Variants in CEP41 observed in about 807,000 individuals in gnomAD.
The protein encoded by CEP41 is centrosomal protein 41.
CEP41 carries 32 observed loss-of-function variants against 44.3 expected under a neutral mutation model. That is an observed-to-expected ratio of 0.72 (90% CI 0.54 to 0.97). The LOEUF is 0.97. Ranked by LOEUF, CEP41 falls within the 50% of genes least tolerant of loss-of-function variation. The pLI is 0.00. For missense variants in CEP41, 432 were observed against 455.2 expected (o/e 0.95, Z 0.46); for synonymous variants, 151 against 168.5 (o/e 0.90, Z 0.80).
intron 3 of CEP41, among the ~76,000 whole-genome samples, chr7:130,416,291 T>C (rs1352890014): frequency 1.3e-5 from 2 of 152,248 alleles, no homozygotes; most frequent in African/African-American, 2.4e-5. Flanking sequence ...ATTCTGGCCT[T>C]GAAGTATACA....
chr7:130,436,852 C>A (rs2117714729), intron 1 of CEP41, among the ~76,000 whole-genome samples: 1 of 152,192 alleles, frequency 6.6e-6, no homozygotes, highest in Non-Finnish European at 1.5e-5. Flanking sequence ...GCCTGACCAA[C>A]ATGGTAAAAC....
chr7:130,440,786 G>GC, intron 1 of CEP41, 148 bp downstream of exon 1: 12 of 224,406 alleles, frequency 5.3e-5, no homozygotes, highest in Non-Finnish European at 8.3e-5. Context: ...AGCCCGGCCC[G>GC]CCCCGCCCCT....
In CEP41 at chr7:130,440,989, C is replaced by T; in HGVS notation, c.-23G>A. 2 of 1,612,394 alleles carry T rather than the reference C, an allele frequency of 1.2e-6. No individual in the cohort carries two copies. Among genetic ancestry groups the T allele is most frequent in the Non-Finnish European group, 1.7e-6 (2 of 1,179,950 alleles). ...CATATTTTCTCCAACCGACCACGTTCGGGGTTCTAGCCTCACGGGTTGCCT... is the reference window on the plus strand; with the variant it reads ...CATATTTTCTCCAACCGACCACGTTTGGGGTTCTAGCCTCACGGGTTGCCT... On this transcript the variant is annotated 5_prime_UTR_variant, in exon 1 of 11. Transcript: ENST00000223208.
intron 2 of CEP41, among the ~76,000 whole-genome samples, chr7:130,424,783 G>A (rs1350110225): frequency 2.6e-5 from 4 of 151,934 alleles, no homozygotes; most frequent in Admixed American, 6.5e-5. Flanking sequence ...CATTGGGATC[G>A]AGGCCAGGCA....
At chr7:130,440,882 T>C (rs1469538767) in intron 1 of CEP41, 52 bp downstream of exon 1, 17 of 1,571,276 alleles carry the variant, frequency 1.1e-5, no homozygotes, top group Non-Finnish European at 1.4e-5. Context: ...CACATGAGCC[T>C]TTTCCGGTGC....
At chr7:130,400,559 T>G in intron 9 of CEP41, 148 bp downstream of exon 9, 1 of 694,862 alleles carries the variant, frequency 1.4e-6, no homozygotes, top group South Asian at 1.6e-5. Context: ...AAGGGAAGTT[T>G]CACATAACTC....
chr7:130,435,107 T>C (rs1554425895), intron 1 of CEP41, among the ~76,000 whole-genome samples: 1 of 152,154 alleles, frequency 6.6e-6, no homozygotes. Flanking sequence ...TGTTGTAACA[T>C]TTATGTAAAA....
At chr7:130,428,283 G>A (rs1448655714) in intron 1 of CEP41, among the ~76,000 whole-genome samples, 1 of 151,780 alleles carries the variant, frequency 6.6e-6, no homozygotes, top group African/African-American at 2.4e-5. Context: ...AATTAGCCAG[G>A]CATGGTGATG....
chr7:130,416,350 G>C (rs1201817148), intron 3 of CEP41, among the ~76,000 whole-genome samples: 1 of 152,220 alleles, frequency 6.6e-6, no homozygotes, highest in African/African-American at 2.4e-5. Flanking sequence ...TTTTGTGCAA[G>C]GGCAATGCAC....
chr7:130,399,190 C>T (rs1260304284), intron 10 of CEP41, 151 bp from the exon 11 acceptor site: 1 of 874,742 alleles, frequency 1.1e-6, no homozygotes, highest in Non-Finnish European at 1.8e-6. Context: ...CAACGATGGC[C>T]TACTCCTCAT....
At position 130,395,504 on chromosome 7, in the gene CEP41, C is replaced by G. The variant is rs1796632246; in HGVS notation, c.*3387G>C. On this transcript the variant is annotated 3_prime_UTR_variant, in exon 11 of 11. Transcript: ENST00000223208. ...CTTCAGAGTAGAGCAAGAAGGTGGT[C>G]ATGGATTTAAATCCAGGTGGACAGA... 2.2e-6 allele frequency: 1 copy of G among 453,928 alleles called. No homozygotes were observed. The highest frequency in any genetic ancestry group is 2.0e-5 in the African/African-American group (1 of 49,982). The allele number at this position is 453,928 out of a possible 1,614,324, so 28.1% of individuals were successfully genotyped here.
rs118066338 is a variant in CEP41, at chr7:130,401,656, T to C, written c.642+225A>G. Among the ~76,000 whole-genome samples the C allele has an allele frequency of 7.2e-4, 109 of 152,282 alleles. 1 individual carries two copies. The East Asian group carries it at 0.02, about 29-fold the overall frequency. The stretch of plus-strand genomic sequence containing the variant: ...CTTAGGACTAACTCTCAATGGATCC[T>C]AACTCTTAACCTAGTGTTTTTTGGC... On this transcript the variant is annotated intron_variant, in intron 8 of 10. Transcript: ENST00000223208.
intron 6 of CEP41, among the ~76,000 whole-genome samples, chr7:130,403,070 G>T (rs1796903012): frequency 1.3e-5 from 2 of 152,142 alleles, no homozygotes; most frequent in African/African-American, 4.8e-5. Context: ...TGGCTGAGGG[G>T]GTAGGGACTG....
At position 130,393,889 on chromosome 7, in the gene CEP41, A is replaced by G; in HGVS notation, c.*5002T>C. 2.2e-6 allele frequency: 1 copy of G among 454,120 alleles called. No homozygotes were observed. The highest frequency in any genetic ancestry group is 4.4e-6 in the Non-Finnish European group (1 of 226,796). 28.1% of individuals were successfully genotyped at this position (454,120 alleles called of 1,614,324 possible). On this transcript the variant is annotated 3_prime_UTR_variant, in exon 11 of 11. Transcript: ENST00000223208. Reference sequence around the variant, plus strand: ...CTCATTCCTTAAGTGGTACTTTGCAAGGTGTCCATTAACAGACAAAATAAC... The same window carrying G: ...CTCATTCCTTAAGTGGTACTTTGCAGGGTGTCCATTAACAGACAAAATAAC...
At chr7:130,408,376 G>C (rs1332788917) in intron 5 of CEP41, among the ~76,000 whole-genome samples, 2 of 151,920 alleles carry the variant, frequency 1.3e-5, no homozygotes, top group Admixed American at 6.6e-5. Flanking sequence ...TAATTATTCA[G>C]AACTCTCACA....
In CEP41 at chr7:130,397,821, C is replaced by G; in HGVS notation, c.*1070G>C. 2.2e-6 allele frequency: 1 copy of G among 445,426 alleles called. No individual in the cohort carries two copies. Among genetic ancestry groups the G allele is most frequent in the South Asian group, 1.6e-5 (1 of 63,848 alleles). 27.6% of individuals were successfully genotyped at this position (445,426 alleles called of 1,614,324 possible). On this transcript the variant is annotated 3_prime_UTR_variant, in exon 11 of 11. Coordinates refer to ENST00000223208, the MANE Select transcript of CEP41 (RefSeq NM_018718.3). Reference sequence around the variant, plus strand: ...AATTAATGCTGATTCAAAATTCCGGCCAAAACCAGAATCTATAATCACAAC... The same window carrying G: ...AATTAATGCTGATTCAAAATTCCGGGCAAAACCAGAATCTATAATCACAAC...
At position 130,400,285 on chromosome 7, in the gene CEP41, C is replaced by T. The variant is rs1413140382; in HGVS notation, c.758-31G>A. Reference sequence around the variant, plus strand: ...TTTGGAAAATCATCAGAAAAAGCTGCATTAATATGGCAAGGCCAGGCCAAA... The same window carrying T: ...TTTGGAAAATCATCAGAAAAAGCTGTATTAATATGGCAAGGCCAGGCCAAA... On this transcript the variant is annotated intron_variant, in intron 9 of 10. Transcript: ENST00000223208. The T allele has an allele frequency of 3.2e-6, 5 of 1,540,506 alleles. No homozygotes were observed. The Admixed American group carries it at 6.7e-5, about 21-fold the overall frequency.
intron 8 of CEP41, chr7:130,401,102 G>A: frequency 5.0e-6 from 2 of 399,260 alleles, no homozygotes; most frequent in South Asian, 4.8e-5. Context: ...TATGACCCTG[G>A]AAAGTAAATA....
intron 2 of CEP41, chr7:130,421,044 T>C: frequency 4.1e-6 from 4 of 982,432 alleles, no homozygotes; most frequent in Non-Finnish European, 4.8e-6. Flanking sequence ...TTCTACTTTG[T>C]TTACTTACAA....
Sources: gnomAD v4.1 joint callset for allele counts (sites outside exome capture counted in the v4.1 genomes callset) on GRCh38, gnomAD v4.1.1 for gene constraint, MANE v1.5 for transcripts, NCBI Gene and HGNC (gene_info 2026-07-23, HGNC 2026-07-21) for gene names.